Variants in MEOX2 observed in about 807,000 individuals in gnomAD.
The protein encoded by MEOX2 is mesenchyme homeobox 2.
Under a neutral mutation model 27.0 loss-of-function variants are expected in MEOX2, and 11 were observed. The ratio of observed to expected loss-of-function variants is 0.41; its 90% CI spans 0.26 to 0.68. The LOEUF (loss-of-function observed/expected upper bound fraction) is 0.68, where lower values mean the gene tolerates loss of function less well. Ranked by LOEUF, MEOX2 falls within the 30% of genes least tolerant of loss-of-function variation. The probability of loss-of-function intolerance (pLI) is 0.33; values close to 1 mark genes in which losing one functional copy is unlikely to be tolerated. For synonymous variants in MEOX2, 189 were observed against 155.4 expected (o/e 1.22, Z -1.61); for missense variants, 436 against 385.4 (o/e 1.13, Z -1.10).
At chr7:15,664,880 A>G (rs1781974964) in intron 1 of MEOX2, among the ~76,000 whole-genome samples, 2 of 152,160 alleles carry the variant, frequency 1.3e-5, no homozygotes, top group Admixed American at 1.3e-4. Context: ...CTTCTGTTGC[A>G]TCTCATTTCC....
intron 1 of MEOX2, among the ~76,000 whole-genome samples, chr7:15,640,030 T>G (rs1781535563): frequency 6.6e-6 from 1 of 152,166 alleles, no homozygotes; most frequent in South Asian, 2.1e-4. Context: ...ATGACATTAG[T>G]AGTTTAATAG....
At position 15,686,344 on chromosome 7, in the gene MEOX2, T is replaced by C; in HGVS notation, c.59A>G (p.His20Arg). The C allele has an allele frequency of 6.3e-7, 1 of 1,597,888 alleles. No individual in the cohort carries two copies. Among genetic ancestry groups the C allele is most frequent in the Non-Finnish European group, 8.5e-7 (1 of 1,171,666 alleles). The change falls in exon 1 of 3, where the codon CAC (histidine) becomes CGC (arginine). Residue 20 changes from histidine to arginine, a missense_variant. By Grantham distance (29) the His-to-Arg change is conservative. Transcript: ENST00000262041. ...RSPHATAQGL[H>R]PFSQSSLALH... is the part of the protein sequence containing the mutation. ...GGCGAGAGAGGATTGGGAGAACGGGTGCAAGCCTTGCGCCGTGGCGTGAGG... is the reference window on the plus strand; with the variant it reads ...GGCGAGAGAGGATTGGGAGAACGGGCGCAAGCCTTGCGCCGTGGCGTGAGG...
chr7:15,620,862 A>G (rs2107268), intron 2 of MEOX2, among the ~76,000 whole-genome samples: 119,867 of 151,700 alleles, frequency 0.79, 47,563 homozygotes, highest in East Asian at 0.89. Context: ...CTACAACATT[A>G]CACCTTTGAT....
Position 15,626,820 on chromosome 7 carries a change from A to C in MEOX2, c.616T>G (p.Phe206Val). 1 of 1,611,070 alleles carries C rather than the reference A, an allele frequency of 6.2e-7. No homozygotes were observed. The highest frequency in any genetic ancestry group is 8.5e-7 in the Non-Finnish European group (1 of 1,179,138). Reference protein sequence around the residue: ...KEQIRELEAEFAHHNYLTRLR... With the variant: ...KEQIRELEAEVAHHNYLTRLR... ...CTGGTGAGATAATTATGATGGGCAA[A>C]TTCTGCTTCAAGTTCTCTGATTTGC... Residue 206 changes from phenylalanine (F) to valine (V), a missense_variant, in exon 2 of 3, where the codon TTT becomes GTT. Phe to Val is a conservative substitution (Grantham distance 50, BLOSUM62 -1). Coordinates refer to ENST00000262041, the MANE Select transcript of MEOX2 (RefSeq NM_005924.5).
chr7:15,642,308 T>C (rs1422259500), intron 1 of MEOX2, among the ~76,000 whole-genome samples: 4 of 152,168 alleles, frequency 2.6e-5, no homozygotes, highest in Non-Finnish European at 5.9e-5. Context: ...TTGTTCATTT[T>C]TTAAAATTAT....
intron 1 of MEOX2, among the ~76,000 whole-genome samples, chr7:15,672,488 T>C (rs1782115615): frequency 6.6e-6 from 1 of 152,260 alleles, no homozygotes; most frequent in South Asian, 2.1e-4. Flanking sequence ...TATAGATTGT[T>C]TTGCTGGTTT....
At chr7:15,642,426 T>C (rs1781577202) in intron 1 of MEOX2, among the ~76,000 whole-genome samples, 1 of 152,212 alleles carries the variant, frequency 6.6e-6, no homozygotes, top group African/African-American at 2.4e-5. Flanking sequence ...TGCCACAGTG[T>C]TTTGAATTTC....
intron 2 of MEOX2, among the ~76,000 whole-genome samples, chr7:15,625,290 T>A (rs1030159781): frequency 1.3e-5 from 2 of 152,232 alleles, no homozygotes. Flanking sequence ...ATGTAGACTT[T>A]GGATCCTGCT....
chr7:15,651,067 A>G (rs957067299), intron 1 of MEOX2, among the ~76,000 whole-genome samples: 1 of 152,008 alleles, frequency 6.6e-6, no homozygotes, highest in East Asian at 1.9e-4. Context: ...AGGAGAGATG[A>G]GGCTTGGACC....
At chr7:15,641,122 A>G (rs1333585725) in intron 1 of MEOX2, among the ~76,000 whole-genome samples, 1 of 151,952 alleles carries the variant, frequency 6.6e-6, no homozygotes, top group Non-Finnish European at 1.5e-5. Context: ...TGTCTGGTAG[A>G]ATTTGGCTAT....
At chr7:15,626,382 C>T (rs780257833) in intron 2 of MEOX2, among the ~76,000 whole-genome samples, 7 of 152,098 alleles carry the variant, frequency 4.6e-5, no homozygotes, top group Non-Finnish European at 7.4e-5. Context: ...ATACAGAAAA[C>T]TAATCTGGGT....
At chr7:15,625,875 A>G (rs1372498250) in intron 2 of MEOX2, among the ~76,000 whole-genome samples, 1 of 152,202 alleles carries the variant, frequency 6.6e-6, no homozygotes, top group Admixed American at 6.6e-5. Flanking sequence ...CAATTAATTT[A>G]AAAATATTAT....
At chr7:15,630,448 A>G (rs1781383251) in intron 1 of MEOX2, among the ~76,000 whole-genome samples, 1 of 152,080 alleles carries the variant, frequency 6.6e-6, no homozygotes, top group Admixed American at 6.6e-5. Flanking sequence ...AAGAGAAATA[A>G]AAGTACGATT....
At chr7:15,615,110 A>C (rs1289003075) in intron 2 of MEOX2, among the ~76,000 whole-genome samples, 1 of 152,154 alleles carries the variant, frequency 6.6e-6, no homozygotes, top group Admixed American at 6.5e-5. Context: ...ATTACTTACT[A>C]AACAAAATAA....
At chr7:15,652,525 A>G (rs10486771) in intron 1 of MEOX2, among the ~76,000 whole-genome samples, 15,653 of 152,132 alleles carry the variant, frequency 0.1, 966 homozygotes, top group Middle Eastern at 0.21. Flanking sequence ...ATCATGGCCC[A>G]TTATAAATAG....
chr7:15,636,187 C>A (rs541652124), intron 1 of MEOX2, among the ~76,000 whole-genome samples: 29 of 151,986 alleles, frequency 1.9e-4, no homozygotes, highest in African/African-American at 7.0e-4. Flanking sequence ...CAAGCCGATT[C>A]TCTTAAATGT....
intron 1 of MEOX2, among the ~76,000 whole-genome samples, chr7:15,643,198 G>A (rs560611447): frequency 2.2e-4 from 34 of 152,314 alleles, no homozygotes; most frequent in East Asian, 1.2e-3. Flanking sequence ...AGAGGCAGTT[G>A]CACTGTTGGC....
intron 2 of MEOX2, among the ~76,000 whole-genome samples, chr7:15,622,262 T>C (rs77340517): frequency 0.026 from 3,951 of 152,282 alleles, 155 homozygotes; most frequent in African/African-American, 0.09. Context: ...TGCATACACA[T>C]ACATATATAT....
In MEOX2 at chr7:15,624,625, A is replaced by T. The variant is rs1177677830; in HGVS notation, c.690+2121T>A. 2.0e-5 allele frequency among the ~76,000 whole-genome samples: 3 copies of T among 152,228 alleles called. No individual in the cohort carries two copies. In the East Asian group the frequency reaches 5.8e-4, roughly 29 times the overall value. Reference sequence around the variant, plus strand: ...ATGAAACCACAGCTGAGGCCCAACCATCTCTTTCTTAGTCAGCCCACCAGC... The same window carrying T: ...ATGAAACCACAGCTGAGGCCCAACCTTCTCTTTCTTAGTCAGCCCACCAGC... On this transcript the variant is annotated intron_variant, in intron 2 of 2. Transcript: ENST00000262041.
Sources: allele counts gnomAD v4.1 joint callset (sites outside exome capture counted in the v4.1 genomes callset), GRCh38; gene constraint gnomAD v4.1.1; transcripts MANE v1.5; gene names NCBI Gene and HGNC (gene_info 2026-07-23, HGNC 2026-07-21).